CALN1: variants seen among roughly 807,000 people sequenced by gnomAD.
The protein encoded by CALN1 is calneuron 1, also known as calcium-binding protein 8.
In CALN1, 17 loss-of-function variants were observed where a neutral mutation model predicts 30.6. That is an observed-to-expected ratio of 0.56 (90% CI 0.38 to 0.83). The LOEUF (loss-of-function observed/expected upper bound fraction) is 0.83, where lower values mean the gene tolerates loss of function less well. Among genes scored for constraint, CALN1 ranks in the 40% least tolerant of loss-of-function variants. CALN1 has a pLI of 0.00. For missense variants in CALN1, 291 were observed against 354.9 expected (o/e 0.82, Z 1.45); for synonymous variants, 156 against 131.4 (o/e 1.19, Z -1.28).
chr7:72,344,436 G>C (rs1327021760), intron 2 of CALN1, among the ~76,000 whole-genome samples: 3 of 151,670 alleles, frequency 2.0e-5, no homozygotes, highest in Admixed American at 2.0e-4. Flanking sequence ...TAACATGTAT[G>C]GTGCCACTTT....
At chr7:72,502,442 AC>A in the CALN1 span, among the ~76,000 whole-genome samples, 3 of 150,248 alleles carry the variant, frequency 2.0e-5, no homozygotes, top group East Asian at 5.8e-4. Flanking sequence ...TAATTCAGAA[AC>A]CTTACCATGT....
intron 3 of CALN1, among the ~76,000 whole-genome samples, chr7:72,200,406 T>G (rs1791336771): frequency 6.6e-6 from 1 of 152,220 alleles, no homozygotes; most frequent in African/African-American, 2.4e-5. Flanking sequence ...GGAAGAATGC[T>G]TAACCATAGT....
intron 4 of CALN1, among the ~76,000 whole-genome samples, chr7:72,080,493 G>A (rs1805062446): frequency 6.6e-6 from 1 of 152,160 alleles, no homozygotes; most frequent in African/African-American, 2.4e-5. Context: ...GCCTGGGATG[G>A]CACATAGAGG....
chr7:72,299,199 C>T (rs1457284688), intron 2 of CALN1, among the ~76,000 whole-genome samples: 1 of 152,110 alleles, frequency 6.6e-6, no homozygotes, highest in African/African-American at 2.4e-5. Context: ...GTATAATTTC[C>T]TCCTTTTATT....
intron 5 of CALN1, among the ~76,000 whole-genome samples, chr7:71,985,588 T>G (rs1022502906): frequency 2.2e-5 from 3 of 138,518 alleles, no homozygotes; most frequent in Non-Finnish European, 4.6e-5. Flanking sequence ...AGTTTTCTTT[T>G]TTTTTTTTTT....
At chr7:72,218,640 TG>T (rs1562754724) in intron 3 of CALN1, among the ~76,000 whole-genome samples, 1 of 152,182 alleles carries the variant, frequency 6.6e-6, no homozygotes, top group Non-Finnish European at 1.5e-5. Context: ...AACATCACTT[TG>T]CTTTAGTATA....
intron 5 of CALN1, among the ~76,000 whole-genome samples, chr7:71,997,306 G>C (rs150103187): frequency 1.3e-5 from 2 of 151,954 alleles, no homozygotes. Context: ...AAATCAAAAT[G>C]TACTGGATAG....
chr7:72,494,688 A>T, the CALN1 span, among the ~76,000 whole-genome samples: 1 of 146,960 alleles, frequency 6.8e-6, no homozygotes, highest in Non-Finnish European at 1.5e-5. Flanking sequence ...GCGAGACCCC[A>T]TCTCTACAAA....
At chr7:72,169,648 C>T (rs1788797148) in intron 3 of CALN1, among the ~76,000 whole-genome samples, 1 of 151,886 alleles carries the variant, frequency 6.6e-6, no homozygotes, top group South Asian at 2.1e-4. Context: ...CCTCATTCTC[C>T]CTCTAAGGCT....
intron 2 of CALN1, among the ~76,000 whole-genome samples, chr7:72,398,815 T>C (rs1806145776): frequency 6.6e-6 from 1 of 152,212 alleles, no homozygotes; most frequent in Non-Finnish European, 1.5e-5. Flanking sequence ...CCCATATGAC[T>C]TTAGAAAAGT....
At chr7:72,448,674 C>T (rs1363130943), upstream of CALN1, among the ~76,000 whole-genome samples, 4 of 151,664 alleles carry the variant, frequency 2.6e-5, no homozygotes, top group South Asian at 6.2e-4. Flanking sequence ...GGCGTGGTCT[C>T]GGCTCACTGC....
chr7:72,286,304 T>A lies in CALN1; in HGVS notation c.120-7494A>T, dbSNP rs1029797734. ...TCTTCCACCACTGTGAAGCAACAAC[T>A]TTTTTTCCTCTAGCTACTCATGGAT... On this transcript the variant is annotated intron_variant, in intron 2 of 6. Transcript: ENST00000395275. Among the ~76,000 whole-genome samples the A allele has an allele frequency of 9.9e-5, 15 of 152,082 alleles. 1 individual carries two copies. Among genetic ancestry groups the A allele is most frequent in the Non-Finnish European group, 2.2e-4 (15 of 67,998 alleles).
chr7:72,012,368 C>T (rs1800130026), intron 5 of CALN1, among the ~76,000 whole-genome samples: 2 of 152,058 alleles, frequency 1.3e-5, no homozygotes, highest in Admixed American at 1.3e-4. Context: ...CAAAAATTAG[C>T]TGGGTGTGGT....
chr7:72,436,078 G>C (rs1156356245), intron 1 of CALN1, among the ~76,000 whole-genome samples: 1 of 152,222 alleles, frequency 6.6e-6, no homozygotes, highest in Non-Finnish European at 1.5e-5. Flanking sequence ...ATAGAAGGCA[G>C]AAAGACGTAA....
At chr7:71,887,750 T>C (rs1793000236) in intron 5 of CALN1, among the ~76,000 whole-genome samples, 1 of 152,000 alleles carries the variant, frequency 6.6e-6, no homozygotes, top group Non-Finnish European at 1.5e-5. Flanking sequence ...GCAATGCAAG[T>C]AAAACATGCT....
At chr7:71,885,929 G>A (rs756010905) in intron 5 of CALN1, among the ~76,000 whole-genome samples, 9 of 152,132 alleles carry the variant, frequency 5.9e-5, no homozygotes, top group East Asian at 3.9e-4. Flanking sequence ...ATTCATTTCC[G>A]TAGTAACAGG....
At chr7:72,037,081 G>A (rs1019464642) in intron 4 of CALN1, among the ~76,000 whole-genome samples, 4 of 152,196 alleles carry the variant, frequency 2.6e-5, no homozygotes, top group Middle Eastern at 3.4e-3. Context: ...CTGGCCTCAA[G>A]CCATCCTCCC....
intron 5 of CALN1, among the ~76,000 whole-genome samples, chr7:71,972,034 A>AAAAAAGAAAGAAAAGAAAGAAAGAC (rs1554400328): frequency 1.6e-4 from 23 of 143,694 alleles, no homozygotes; most frequent in East Asian, 4.2e-4. Flanking sequence ...GAAAGAAAGA[A>AAAAAAGAAAGAAAAGAAAGAAAGAC]AGACACACTC....
chr7:72,165,917 A>G lies in CALN1; in HGVS notation c.245-59623T>C, dbSNP rs534100698. 4.6e-5 allele frequency among the ~76,000 whole-genome samples: 7 copies of G among 152,310 alleles called. 1 individual carries two copies. In the South Asian group the frequency reaches 1.4e-3, roughly 32 times the overall value. On this transcript the variant is annotated intron_variant, in intron 3 of 6. Transcript: ENST00000395275. ...CGTGATGTTGCCAAGAAACTGCACC[A>G]GTAGGCATGTTAGGATCAACCAACT...
Sources: gnomAD v4.1 joint callset for allele counts (sites outside exome capture counted in the v4.1 genomes callset) on GRCh38, gnomAD v4.1.1 for gene constraint, MANE v1.5 for transcripts, NCBI Gene and HGNC (gene_info 2026-07-23, HGNC 2026-07-21) for gene names.